The following MAP3K2 variants were observed in gnomAD, a reference collection of about 807,000 sequenced individuals.
MAP3K2 encodes the protein mitogen-activated protein kinase kinase kinase 2, also known as MAP/ERK kinase kinase 2.
A neutral mutation model predicts 80.3 loss-of-function variants in MAP3K2; 24 were observed. The ratio of observed to expected loss-of-function variants is 0.30; its 90% CI spans 0.22 to 0.42. The LOEUF is 0.42. Ranked by LOEUF, MAP3K2 falls within the 10% of genes least tolerant of loss-of-function variation. MAP3K2 has a pLI of 1.00. For synonymous variants in MAP3K2, 244 were observed against 253.7 expected, an observed-to-expected ratio of 0.96 and a Z score of 0.36; for missense variants, 608 against 750.1, an observed-to-expected ratio of 0.81 and a Z score of 2.21.
chr2:127,320,842 G>C (rs1686005546), intron 12 of MAP3K2, among the ~76,000 whole-genome samples: 1 of 152,168 alleles, frequency 6.6e-6, no homozygotes, highest in Non-Finnish European at 1.5e-5. Flanking sequence ...AGAAAGGCCA[G>C]GTGCAGTGGC....
chr2:127,352,319 C>T (rs1686705244), intron 1 of MAP3K2, among the ~76,000 whole-genome samples: 1 of 152,146 alleles, frequency 6.6e-6, no homozygotes, highest in South Asian at 2.1e-4. Flanking sequence ...TGTTTAAATA[C>T]CGGTAGGCTA....
At chr2:127,381,894 G>A (rs1182500840) in intron 1 of MAP3K2, among the ~76,000 whole-genome samples, 2 of 150,392 alleles carry the variant, frequency 1.3e-5, no homozygotes, top group African/African-American at 4.9e-5. Flanking sequence ...GGGGAATACA[G>A]GAACAAGCTA....
intron 15 of MAP3K2, among the ~76,000 whole-genome samples, chr2:127,309,128 C>T (rs1379739446): frequency 1.3e-5 from 2 of 152,090 alleles, no homozygotes; most frequent in East Asian, 1.9e-4. Flanking sequence ...AGCAAGAAGC[C>T]CATGGATGAA....
At chr2:127,382,726 ATGTTGGTCAGGCTGGTCTTAAACTCC>A (rs1687267212) in intron 1 of MAP3K2, among the ~76,000 whole-genome samples, 1 of 152,192 alleles carries the variant, frequency 6.6e-6, no homozygotes, top group Admixed American at 6.5e-5. Flanking sequence ...GGGTTTCACC[ATGTTGGTCAGGCTGGTCTTAAACTCC>A]TGACCTCAGG....
At chr2:127,330,703 A>G (rs1686239734) in intron 5 of MAP3K2, among the ~76,000 whole-genome samples, 198 bp from the exon 6 acceptor site, 1 of 152,194 alleles carries the variant, frequency 6.6e-6, no homozygotes, top group Non-Finnish European at 1.5e-5. Flanking sequence ...ATGAACATGT[A>G]TGTTTTTAAA....
At chr2:127,338,500 G>A (rs1259828925) in intron 3 of MAP3K2, among the ~76,000 whole-genome samples, 5 of 151,858 alleles carry the variant, frequency 3.3e-5, no homozygotes, top group African/African-American at 4.8e-5. Flanking sequence ...CCACCCTCTC[G>A]CAGGCCCCAG....
At chr2:127,374,510 T>C (rs1687117186) in intron 1 of MAP3K2, among the ~76,000 whole-genome samples, 1 of 152,250 alleles carries the variant, frequency 6.6e-6, no homozygotes, top group South Asian at 2.1e-4. Context: ...GCTAAACAAA[T>C]TACCCTACAA....
intron 5 of MAP3K2, among the ~76,000 whole-genome samples, chr2:127,332,320 CTTT>C (rs1348247022): frequency 2.0e-5 from 3 of 152,184 alleles, no homozygotes; most frequent in African/African-American, 7.2e-5. Flanking sequence ...TGAATACTTA[CTTT>C]TATTATTCAT....
At chr2:127,325,663 G>T in intron 9 of MAP3K2, 65 bp downstream of exon 9, 1 of 1,300,686 alleles carries the variant, frequency 7.7e-7, no homozygotes, top group Non-Finnish European at 1.1e-6. Flanking sequence ...GCTCCAGCCT[G>T]GGTGACAGCA....
At chr2:127,368,473 T>G (rs1424773650) in intron 1 of MAP3K2, among the ~76,000 whole-genome samples, 1 of 151,774 alleles carries the variant, frequency 6.6e-6, no homozygotes, top group East Asian at 1.9e-4. Context: ...ATACAAAAAA[T>G]TAGCCGGGTG....
At chr2:127,349,018 C>T (rs1686644786) in intron 1 of MAP3K2, among the ~76,000 whole-genome samples, 1 of 152,120 alleles carries the variant, frequency 6.6e-6, no homozygotes, top group South Asian at 2.1e-4. Context: ...TGCATGCTGC[C>T]ATTTTGTAAG....
intron 2 of MAP3K2, among the ~76,000 whole-genome samples, chr2:127,342,388 G>GGTGTGTGT (rs56300936): frequency 0.07 from 10,324 of 147,790 alleles, 411 homozygotes; most frequent in Middle Eastern, 0.13. Flanking sequence ...TCTTCATGAG[G>GGTGTGTGT]GTGTGTGTGT....
intron 1 of MAP3K2, among the ~76,000 whole-genome samples, chr2:127,372,104 G>A (rs1235835023): frequency 6.6e-6 from 1 of 152,172 alleles, no homozygotes; most frequent in Non-Finnish European, 1.5e-5. Flanking sequence ...GGGATCTGGG[G>A]CCCACTGCCT....
At position 127,310,737 on chromosome 2, in the gene MAP3K2, C is replaced by CT. The variant is rs1295979603; in HGVS notation, c.1457-1976dup. The stretch of plus-strand genomic sequence containing the variant: ...TTTCACTCTTATCATTTTAAAAACT[C>CT]TATTTTTTCTGGGATTATAAATCTA... On this transcript the variant is annotated intron_variant, in intron 15 of 16. Coordinates refer to ENST00000682094, the MANE Select transcript of MAP3K2 (RefSeq NM_001371910.2). This position sits in a 1 kb window ranked among gnomAD's most constrained non-coding sequence, Gnocchi z 4.8. 6.6e-6 allele frequency among the ~76,000 whole-genome samples: 1 copy of CT among 151,994 alleles called. No individual in the cohort carries two copies. The highest frequency in any genetic ancestry group is 1.9e-4 in the East Asian group (1 of 5,202).
At chr2:127,334,190 AC>A (rs1686318772) in intron 5 of MAP3K2, among the ~76,000 whole-genome samples, 1 of 152,060 alleles carries the variant, frequency 6.6e-6, no homozygotes, top group African/African-American at 2.4e-5. Context: ...GGGAGAAGTC[AC>A]TAAAAAAAAA....
chr2:127,353,516 TG>T (rs34029955), intron 1 of MAP3K2, among the ~76,000 whole-genome samples: 1 of 151,022 alleles, frequency 6.6e-6, no homozygotes, highest in African/African-American at 2.4e-5. Context: ...CCGCCCCGTC[TG>T]GGAAGTGAGG....
chr2:127,350,525 A>C (rs1275898822), intron 1 of MAP3K2, among the ~76,000 whole-genome samples: 1 of 151,846 alleles, frequency 6.6e-6, no homozygotes, highest in Admixed American at 6.6e-5. Context: ...TAAATCAACA[A>C]TGGGAGGAAG....
rs115091936 is a variant in MAP3K2, at chr2:127,345,191, T to C, written c.-65-1997A>G. ...ACAAAATAGGTTGACAGTAAAAGGA[T>C]AGAAAAAGATATACTATGCAAACAG... is the stretch of plus-strand genomic sequence containing the variant. On this transcript the variant is annotated intron_variant, in intron 1 of 16. Transcript: ENST00000682094. Among the ~76,000 whole-genome samples, 1,410 of 152,168 alleles carry C rather than the reference T, an allele frequency of 9.3e-3. 14 individuals are homozygous for C. Among genetic ancestry groups the C allele is most frequent in the Non-Finnish European group, 0.014 (967 of 67,992 alleles).
rs185234220 is a variant in MAP3K2 at position 127,364,796 on chromosome 2, T to C, written c.-65-21602A>G. 6.6e-6 allele frequency among the ~76,000 whole-genome samples: 1 copy of C among 152,178 alleles called. No homozygotes were observed. On this transcript the variant is annotated intron_variant, in intron 1 of 16. Coordinates refer to ENST00000682094, the MANE Select transcript of MAP3K2 (RefSeq NM_001371910.2). This position sits in a 1 kb window ranked among gnomAD's most constrained non-coding sequence, Gnocchi z 4.1. ...TTTAAAAATATACCCCTCCTATTTC[T>C]CAATCTCTTCTCATTACTACTGCAA...
Sources: allele counts gnomAD v4.1 joint callset (sites outside exome capture counted in the v4.1 genomes callset), GRCh38; gene constraint gnomAD v4.1.1; non-coding constraint Gnocchi (gnomAD v3.1); transcripts MANE v1.5; gene names NCBI Gene and HGNC (gene_info 2026-07-23, HGNC 2026-07-21).